DUOX2: variants seen among roughly 807,000 people sequenced by gnomAD.
DUOX2 encodes the protein dual oxidase 2, also known as NADH/NADPH thyroid oxidase p138-tox.
A neutral mutation model predicts 183.3 loss-of-function variants in DUOX2; 185 were observed. The observed-to-expected ratio is 1.01, with a 90% confidence interval of 0.90 to 1.14. The LOEUF (loss-of-function observed/expected upper bound fraction) is 1.14, where lower values mean the gene tolerates loss of function less well. DUOX2 is among the 50% of genes most tolerant of loss of function. The probability of loss-of-function intolerance (pLI) is 0.00; values close to 1 mark genes in which losing one functional copy is unlikely to be tolerated. For synonymous variants in DUOX2, 788 were observed against 812.4 expected, an observed-to-expected ratio of 0.97 and a Z score of 0.51; for missense variants, 1,999 against 2,022.9, an observed-to-expected ratio of 0.99 and a Z score of 0.23.
In DUOX2 at chr15:45,105,642, C is replaced by T. The variant is rs1311908399; in HGVS notation, c.2334+1G>A. On this transcript the variant is annotated splice_donor_variant, in intron 18 of 33. Transcript: ENST00000389039. LOFTEE classifies it high-confidence loss of function. Reference sequence around the variant, plus strand: ...TCTCCAAAAGGCACAGGTCATGGCACCTGAGCAAAAAGGTGTCTGAAGAAG... The same window carrying T: ...TCTCCAAAAGGCACAGGTCATGGCATCTGAGCAAAAAGGTGTCTGAAGAAG... The T allele has an allele frequency of 6.8e-6, 11 of 1,614,176 alleles. No individual in the cohort carries two copies. Among genetic ancestry groups the T allele is most frequent in the Admixed American group, 1.7e-5 (1 of 60,022 alleles).
intron 17 of DUOX2, 135 bp from the exon 18 acceptor site, chr15:45,105,963 G>A: frequency 7.2e-7 from 1 of 1,388,090 alleles, no homozygotes; most frequent in Non-Finnish European, 1.0e-6. Context: ...CAGGTGTGTG[G>A]ACGAAGGGGG....
chr15:45,109,894 C>A lies in DUOX2; in HGVS notation c.1127G>T (p.Arg376Leu), dbSNP rs778729877. The A allele has an allele frequency of 1.9e-6, 3 of 1,614,154 alleles. No homozygotes were observed. In the East Asian group the frequency reaches 6.7e-5, roughly 36 times the overall value. Residue 376 changes from arginine to leucine, a missense_variant, in exon 10 of 34, where the codon CGG becomes CTG. Arg to Leu is a moderately radical substitution (Grantham distance 102, BLOSUM62 -2). Around this residue, in one of 3 missense-constraint regions of DUOX2, gnomAD observed 1,628 missense variants for 1,608.6 expected, o/e 1.01. Transcript: ENST00000389039. ...TGACCCTGACCCCAGTCTGACCTCCCGAATCCAGTAGTTGTTGCAGACCCT... is the reference window on the plus strand; with the variant it reads ...TGACCCTGACCCCAGTCTGACCTCCAGAATCCAGTAGTTGTTGCAGACCCT... ...ALRVCNNYWI[R>L]ENPNLNSTQE...
Position 45,095,893 on chromosome 15 carries a change from A to G in DUOX2, c.4015T>C (p.Trp1339Arg). The stretch of plus-strand genomic sequence containing the variant: ...TAGATCTCCCTGAGGCGAGTGGTCC[A>G]GGGCCCCACTGCCCGGATGTGCAGG... ...LSLHIRAVGP[W>R]TTRLREIYSS... The change falls in exon 30 of 34, where the codon TGG becomes CGG. Residue 1339 changes from tryptophan (W) to arginine (R), a missense_variant. This residue lies in a region of DUOX2 where 1,628 missense variants were observed against 1,608.6 expected (regional missense o/e 1.01). Transcript: ENST00000389039. 1 of 1,611,848 alleles carries G rather than the reference A, an allele frequency of 6.2e-7. No homozygotes were observed. Among genetic ancestry groups the G allele is most frequent in the Non-Finnish European group, 8.5e-7 (1 of 1,179,198 alleles).
In DUOX2 at chr15:45,109,966, T is replaced by A. The variant is rs760705783; in HGVS notation, c.1055A>T (p.His352Leu). Residue 352 changes from histidine (H) to leucine (L), a missense_variant, in exon 10 of 34, where the codon CAT becomes CTT. Transcript: ENST00000389039. Reference sequence around the variant, plus strand: ...ACCCTTGTTCAGGACCTTCCGGAAATGACAGCTGGCATTTCTGAAATTGAG... The same window carrying A: ...ACCCTTGTTCAGGACCTTCCGGAAAAGACAGCTGGCATTTCTGAAATTGAG... ...PGVYMRNASC[H>L]FRKVLNKGFQ... 3 of 1,614,048 alleles carry A rather than the reference T, an allele frequency of 1.9e-6. No homozygotes were observed. In the Admixed American group the frequency reaches 5.0e-5, roughly 27 times the overall value.
chr15:45,106,088 AG>A (rs771262341), intron 17 of DUOX2, 36 bp downstream of exon 17: 18 of 1,610,702 alleles, frequency 1.1e-5, no homozygotes, highest in Non-Finnish European at 1.5e-5. Context: ...GAGTCGTGTG[AG>A]GGCAGCCCAG....
At chr15:45,099,262 G>T (rs62025102) in intron 26 of DUOX2, 121 bp downstream of exon 26, 1 of 781,720 alleles carries the variant, frequency 1.3e-6, no homozygotes, top group Admixed American at 2.1e-5. Flanking sequence ...CGCCCACCTC[G>T]GCCTCCCAAA....
At chr15:45,106,357 T>C in intron 16 of DUOX2, 30 bp from the exon 17 acceptor site, 1 of 1,612,442 alleles carries the variant, frequency 6.2e-7, no homozygotes, top group Non-Finnish European at 8.5e-7. Context: ...GCCGGGTAGT[T>C]CAGCAGATGT....
chr15:45,111,589 C>T lies in DUOX2; in HGVS notation c.514-4G>A, dbSNP rs374243549. 1,722 of 1,531,830 alleles carry T rather than the reference C, an allele frequency of 1.1e-3. 1 individual carries two copies. The highest frequency in any genetic ancestry group is 1.4e-3 in the Non-Finnish European group (1,622 of 1,144,538). The allele number at this position is 1,531,830 out of a possible 1,614,324, so 94.9% of individuals were successfully genotyped here. On this transcript the variant is annotated splice_region_variant and splice_polypyrimidine_tract_variant and intron_variant, in intron 5 of 33. Transcript: ENST00000389039. ...GCCAGCCCGTCACCTGGTTGGCCTG[C>T]GGGGCACGCGGCGGGTGAGCCCGGG...
Position 45,108,133 on chromosome 15 carries a change from A to G in DUOX2, c.1488T>C (p.Pro496=). 1.2e-6 allele frequency: 2 copies of G among 1,614,140 alleles called. No individual in the cohort carries two copies. Residue 496 remains proline (P), a synonymous_variant, in exon 13 of 34, where the codon CCT becomes CCC. Transcript: ENST00000389039. ...LGGLLESHGD[P]GPLFSAIVLD... ...GGACAATGGCACTGAACAGGGGTCC[A>G]GGGTCCCCATGGCTCTCCAGGAGCC... is the stretch of plus-strand genomic sequence containing the variant.
chr15:45,107,914 AC>A (rs1894266587), intron 13 of DUOX2, 132 bp downstream of exon 13: 2 of 864,668 alleles, frequency 2.3e-6, no homozygotes, highest in African/African-American at 1.7e-5. Flanking sequence ...AAAAAGAGAG[AC>A]CCAGAGGGGT....
chr15:45,104,601 G>A (rs1656390437), intron 18 of DUOX2, among the ~76,000 whole-genome samples: 1 of 152,222 alleles, frequency 6.6e-6, no homozygotes, highest in South Asian at 2.1e-4. Context: ...ACTTCATGCA[G>A]TGGGCATGGT....
At position 45,112,696 on chromosome 15, in the gene DUOX2, T is replaced by C. The variant is rs1894472729; in HGVS notation, c.183A>G (p.Val61=). 6.2e-7 allele frequency: 1 copy of C among 1,612,150 alleles called. No individual in the cohort carries two copies. Among genetic ancestry groups the C allele is most frequent in the Non-Finnish European group, 8.5e-7 (1 of 1,179,868 alleles). The stretch of plus-strand genomic sequence containing the variant: ...ACACACCGTCGGCGTAATTGGCTGG[T>C]ACGCGGCGCTGCAACCGGCAGCCTG... ...GAVGCRLQRR[V]PANYADGVYQ... Residue 61 remains valine (V), a synonymous_variant, in exon 4 of 34, where the codon GTA becomes GTG. Transcript: ENST00000389039.
At chr15:45,113,920 C>A (rs1330321459) in intron 1 of DUOX2, 53 bp downstream of exon 1, 10 of 202,526 alleles carry the variant, frequency 4.9e-5, no homozygotes, top group Non-Finnish European at 8.2e-5. Flanking sequence ...CTGCAATGAA[C>A]GCCTGTGCAT....
rs201720469 is a variant in DUOX2, at chr15:45,094,258, C to T, written c.4539G>A (p.Gly1513=). 2 of 1,614,176 alleles carry T rather than the reference C, an allele frequency of 1.2e-6. No individual in the cohort carries two copies. Among genetic ancestry groups the T allele is most frequent in the Non-Finnish European group, 1.7e-6 (2 of 1,180,032 alleles). Residue 1513 remains glycine, a synonymous_variant, in exon 34 of 34, where the codon GGG becomes GGA. Transcript: ENST00000389039. Reference sequence around the variant, plus strand: ...TTCCTGGAGGGCCGCAGCTGAACACCCCGATCTTGCGCACCTGTCAGGAGA... The same window carrying T: ...TTCCTGGAGGGCCGCAGCTGAACACTCCGATCTTGCGCACCTGTCAGGAGA... ...QEVHPQVRKI[G]VFSCGPPGMT...
chr15:45,094,879 T>A, intron 32 of DUOX2, 57 bp downstream of exon 32: 1 of 1,610,554 alleles, frequency 6.2e-7, no homozygotes, highest in Non-Finnish European at 8.5e-7. Flanking sequence ...CCATCCTGCC[T>A]TACGCTGCCA....
chr15:45,103,112 G>C (rs993895150), intron 20 of DUOX2, among the ~76,000 whole-genome samples: 2 of 152,256 alleles, frequency 1.3e-5, no homozygotes, highest in Non-Finnish European at 2.9e-5. Context: ...GGTACAGACT[G>C]CAATAGCTTT....
chr15:45,103,072 G>A (rs371001731), intron 20 of DUOX2, among the ~76,000 whole-genome samples: 2 of 152,216 alleles, frequency 1.3e-5, no homozygotes, highest in African/African-American at 2.4e-5. Flanking sequence ...GCCTCACCTC[G>A]GGCTGGGCCT....
In DUOX2 at chr15:45,105,744, G is replaced by A. The variant is rs1319024713; in HGVS notation, c.2233C>T (p.His745Tyr). 3.1e-6 allele frequency: 5 copies of A among 1,614,134 alleles called. No individual in the cohort carries two copies. Among genetic ancestry groups the A allele is most frequent in the Non-Finnish European group, 4.2e-6 (5 of 1,180,056 alleles). ...TCCTTCTCGCTCATCTCAGCCACAT[G>A]GAGGCCCAGAGCCCAGCGCACGCAG... ...DFCVRWALGL[H>Y]VAEMSEKELF... The change falls in exon 18 of 34, where the codon CAT (histidine) becomes TAT (tyrosine). Residue 745 changes from histidine (H) to tyrosine (Y), a missense_variant. Transcript: ENST00000389039.
rs775524132 is a variant in DUOX2 at position 45,113,374 on chromosome 15, C to T, written c.38G>A (p.Gly13Glu). The T allele has an allele frequency of 3.2e-6, 5 of 1,567,200 alleles. No homozygotes were observed. In the South Asian group the frequency reaches 5.9e-5, roughly 18 times the overall value. ...ACCCAGGGATCCAGTCAGAAGAGCT[C>T]CCAGGAGCATCAGTGCCTCTGGTCT... Reference protein sequence around the residue: ...RARPEALMLLGALLTGSLGPS... With the variant: ...RARPEALMLLEALLTGSLGPS... Residue 13 changes from glycine to glutamate, a missense_variant, in exon 2 of 34, where the codon GGA becomes GAA. Coordinates refer to ENST00000389039, the MANE Select transcript of DUOX2 (RefSeq NM_001363711.2).
Sources: gnomAD v4.1 joint callset for allele counts (sites outside exome capture counted in the v4.1 genomes callset) on GRCh38, gnomAD v4.1.1 for gene constraint, gnomAD v4.1.1 regional missense constraint, MANE v1.5 for transcripts, NCBI Gene and HGNC (gene_info 2026-07-23, HGNC 2026-07-21) for gene names.